Variants in TTC7B observed in about 807,000 individuals in gnomAD.
The protein encoded by TTC7B is tetratricopeptide repeat domain 7B.
Under a neutral mutation model 106.8 loss-of-function variants are expected in TTC7B, and 28 were observed. The observed-to-expected ratio is 0.26, with a 90% CI of 0.19 to 0.36. The LOEUF is 0.36. TTC7B is among the 10% of genes least tolerant of loss of function. TTC7B has a pLI of 1.00. For missense variants in TTC7B, 862 were observed against 1,076.4 expected (o/e 0.80, Z 2.79); for synonymous variants, 405 against 430.6 (o/e 0.94, Z 0.74).
rs187192173 is a variant in TTC7B at position 90,544,693 on chromosome 14, G to A, written c.2311-3104C>T. ...TGTGCTCACCCGAGAACGTTCCAAC[G>A]TAACTATGAGGGAAGGGAGGTTTCT... On this transcript the variant is annotated intron_variant, in intron 19 of 19. Transcript: ENST00000328459. 2.1e-3 allele frequency among the ~76,000 whole-genome samples: 315 copies of A among 152,288 alleles called. 2 individuals are homozygous for A. Among genetic ancestry groups the A allele is most frequent in the South Asian group, 3.9e-3 (19 of 4,818 alleles).
Position 90,530,059 on chromosome 14 carries a change from G to A in TTC7B, c.*11309C>T, listed in dbSNP as rs1016425648. 4 of 152,216 alleles carry A rather than the reference G, an allele frequency of 2.6e-5. No homozygotes were observed. The highest frequency in any genetic ancestry group is 5.9e-5 in the Non-Finnish European group (4 of 68,070). The allele number at this position is 152,216 out of a possible 1,614,324, so 9.4% of individuals were successfully genotyped here. ...CGAGGTGGGCGGATCACGAGGTCAG[G>A]AGATCAAGACCATCCTGGCCAACAC... On this transcript the variant is annotated 3_prime_UTR_variant, in exon 20 of 20. Coordinates refer to ENST00000328459, the MANE Select transcript of TTC7B (RefSeq NM_001010854.2).
rs534807860 is a variant in TTC7B at position 90,539,596 on chromosome 14, A to C, written c.*1772T>G. ...GCCCCCTAGCCCGCCTGCCTCAGTG[A>C]GCCAGAGAGGTCGTGCCCAGTTTGA... On this transcript the variant is annotated 3_prime_UTR_variant, in exon 20 of 20. Coordinates refer to ENST00000328459, the MANE Select transcript of TTC7B (RefSeq NM_001010854.2). 7 of 152,488 alleles carry C rather than the reference A, an allele frequency of 4.6e-5. No individual in the cohort carries two copies. The highest frequency in any genetic ancestry group is 8.8e-5 in the Non-Finnish European group (6 of 68,170). 9.4% of individuals were successfully genotyped at this position (152,488 alleles called of 1,614,324 possible). A position where few individuals can be genotyped will look rare whatever the true frequency, so the allele number is the denominator to read the frequency against.
At chr14:90,653,941 T>A (rs1885839497) in intron 12 of TTC7B, among the ~76,000 whole-genome samples, 1 of 152,206 alleles carries the variant, frequency 6.6e-6, no homozygotes, top group African/African-American at 2.4e-5. Context: ...GTCTACTATG[T>A]CAAAAGCTAT....
At chr14:90,661,339 G>C (rs970425412) in intron 9 of TTC7B, among the ~76,000 whole-genome samples, 4 of 152,238 alleles carry the variant, frequency 2.6e-5, no homozygotes, top group Non-Finnish European at 5.9e-5. Context: ...TGAGGAAGGT[G>C]TCACTGTGCC....
chr14:90,778,034 C>T (rs754617999), intron 3 of TTC7B, among the ~76,000 whole-genome samples: 1 of 152,186 alleles, frequency 6.6e-6, no homozygotes, highest in Non-Finnish European at 1.5e-5. Context: ...ATGTGACACA[C>T]TGAGTAGGAC....
intron 3 of TTC7B, among the ~76,000 whole-genome samples, chr14:90,753,863 T>C (rs1375683009): frequency 6.6e-6 from 1 of 152,240 alleles, no homozygotes; most frequent in Non-Finnish European, 1.5e-5. Flanking sequence ...GACATTCCCC[T>C]GCTAGAGCAG....
At chr14:90,587,738 G>A (rs1383971143) in intron 18 of TTC7B, among the ~76,000 whole-genome samples, 6 of 152,194 alleles carry the variant, frequency 3.9e-5, no homozygotes, top group Admixed American at 2.6e-4. Flanking sequence ...CCAGTGCCTC[G>A]CTCCACTGTG....
chr14:90,729,761 G>C (rs1232920588), intron 5 of TTC7B, among the ~76,000 whole-genome samples: 1 of 152,310 alleles, frequency 6.6e-6, no homozygotes, highest in East Asian at 1.9e-4. Flanking sequence ...GGCCGATGCA[G>C]AGCCATTCAT....
intron 15 of TTC7B, among the ~76,000 whole-genome samples, chr14:90,639,131 G>A (rs1362158942): frequency 6.6e-6 from 1 of 152,192 alleles, no homozygotes; most frequent in African/African-American, 2.4e-5. Flanking sequence ...CTACCTTCAT[G>A]ATCTTGGAGA....
At chr14:90,694,633 T>TA in intron 6 of TTC7B, among the ~76,000 whole-genome samples, 2 of 146,048 alleles carry the variant, frequency 1.4e-5, no homozygotes, top group Middle Eastern at 7.4e-3. Flanking sequence ...GTCACATATA[T>TA]TTATAACACA....
intron 17 of TTC7B, among the ~76,000 whole-genome samples, chr14:90,594,427 C>G (rs988619687): frequency 1.3e-5 from 2 of 152,140 alleles, no homozygotes; most frequent in African/African-American, 4.8e-5. Context: ...GTTGACCTCT[C>G]GGAGGATCGG....
At chr14:90,589,909 T>C (rs1269026032) in intron 18 of TTC7B, among the ~76,000 whole-genome samples, 1 of 152,224 alleles carries the variant, frequency 6.6e-6, no homozygotes, top group African/African-American at 2.4e-5. Context: ...GGTTAAATGA[T>C]GGTCTAACCA....
chr14:90,648,807 G>C (rs187957554), intron 13 of TTC7B: 30 of 152,040 alleles, frequency 2.0e-4, no homozygotes, highest in African/African-American at 5.3e-4. Flanking sequence ...TAATTATTCA[G>C]GAAAAATAAT....
chr14:90,631,596 C>T (rs778913723), intron 15 of TTC7B, among the ~76,000 whole-genome samples: 29 of 151,684 alleles, frequency 1.9e-4, no homozygotes, highest in Admixed American at 6.6e-4. Flanking sequence ...TTAGTAGAGA[C>T]GGGGTTTCAC....
chr14:90,686,277 C>T (rs1361680074), intron 7 of TTC7B, among the ~76,000 whole-genome samples: 1 of 152,088 alleles, frequency 6.6e-6, no homozygotes, highest in African/African-American at 2.4e-5. Flanking sequence ...CAAAATTCAA[C>T]ACCCATTAAT....
At chr14:90,771,625 A>G (rs1009147787) in intron 3 of TTC7B, among the ~76,000 whole-genome samples, 3 of 152,094 alleles carry the variant, frequency 2.0e-5, no homozygotes, top group Non-Finnish European at 4.4e-5. Context: ...TCCATAAGGC[A>G]CACCACCGTG....
At chr14:90,705,754 C>T (rs1441505292) in intron 5 of TTC7B, among the ~76,000 whole-genome samples, 1 of 152,126 alleles carries the variant, frequency 6.6e-6, no homozygotes, top group African/African-American at 2.4e-5. Flanking sequence ...TTGTTCCTCA[C>T]GTAGGCATCC....
At chr14:90,714,333 G>A (rs1240713395) in intron 5 of TTC7B, among the ~76,000 whole-genome samples, 1 of 152,166 alleles carries the variant, frequency 6.6e-6, no homozygotes, top group Non-Finnish European at 1.5e-5. Context: ...GAGCCACAGA[G>A]CAAATAAGTG....
intron 16 of TTC7B, among the ~76,000 whole-genome samples, chr14:90,615,342 G>T (rs923068303): frequency 2.6e-5 from 4 of 152,180 alleles, no homozygotes; most frequent in African/African-American, 4.8e-5. Flanking sequence ...GATCTGGAAG[G>T]GGGTGGGAAG....
Sources: gnomAD v4.1 joint callset for allele counts (sites outside exome capture counted in the v4.1 genomes callset) on GRCh38, gnomAD v4.1.1 for gene constraint, MANE v1.5 for transcripts, NCBI Gene and HGNC (gene_info 2026-07-23, HGNC 2026-07-21) for gene names.